EIF4G3: variants seen among roughly 807,000 people sequenced by gnomAD.
The protein encoded by EIF4G3 is eukaryotic translation initiation factor 4 gamma 3.
In EIF4G3, 34 loss-of-function variants were observed where a neutral mutation model predicts 186.4. The ratio of observed to expected loss-of-function variants is 0.18; its 90% confidence interval spans 0.14 to 0.24. The LOEUF (loss-of-function observed/expected upper bound fraction) is 0.24. EIF4G3 is among the 10% of genes least tolerant of loss of function. EIF4G3 has a pLI of 1.00. For synonymous variants in EIF4G3, 673 were observed against 679.5 expected (o/e 0.99, Z 0.15); for missense variants, 1,536 against 1,948.5 (o/e 0.79, Z 3.99).
At chr1:20,916,236 G>A (rs1321311113) in intron 14 of EIF4G3, among the ~76,000 whole-genome samples, 1 of 152,062 alleles carries the variant, frequency 6.6e-6, no homozygotes, top group Non-Finnish European at 1.5e-5. Context: ...CACGAGGTCA[G>A]GAGATCGAGA....
intron 32 of EIF4G3, 37 bp from the exon 33 acceptor site, chr1:20,825,235 A>C: frequency 7.2e-6 from 6 of 833,646 alleles, no homozygotes; most frequent in Non-Finnish European, 1.1e-5. Context: ...TTACTTTCAC[A>C]GTGGAAGAAG....
intron 2 of EIF4G3, among the ~76,000 whole-genome samples, chr1:21,150,333 T>C (rs778201106): frequency 2.0e-5 from 3 of 152,162 alleles, no homozygotes; most frequent in Non-Finnish European, 4.4e-5. Flanking sequence ...TGCAATAATA[T>C]GCCATGTCAT....
chr1:21,104,968 A>T (rs1420899676), intron 2 of EIF4G3, among the ~76,000 whole-genome samples: 1 of 152,220 alleles, frequency 6.6e-6, no homozygotes, highest in African/African-American at 2.4e-5. Context: ...CAGAAAACCA[A>T]ATACTGCATG....
At chr1:20,832,714 G>A (rs1325514802) in intron 30 of EIF4G3, among the ~76,000 whole-genome samples, 9 of 148,072 alleles carry the variant, frequency 6.1e-5, no homozygotes, top group Non-Finnish European at 1.2e-4. Flanking sequence ...GTAATGCCTA[G>A]GTTTTCTTCT....
chr1:20,984,650 C>T (rs1297389054), intron 7 of EIF4G3, among the ~76,000 whole-genome samples: 6 of 143,414 alleles, frequency 4.2e-5, no homozygotes, highest in South Asian at 4.5e-4. Flanking sequence ...AGTGCAGTGG[C>T]GTGATCTTGG....
rs564854763 is a variant in EIF4G3 at position 21,053,622 on chromosome 1, G to A, written c.-195-2628C>T. On this transcript the variant is annotated intron_variant, in intron 3 of 36. Transcript: ENST00000602326. ...GGGTCAGCCCCCCGCCCGGCCACCC[G>A]CCCCGTCCGGGAGGTGAGGGGCGCC... 3.5e-3 allele frequency among the ~76,000 whole-genome samples: 479 copies of A among 136,638 alleles called. 5 individuals carry two copies. The highest frequency in any genetic ancestry group is 0.012 in the African/African-American group (444 of 37,562). 89.6% of individuals were successfully genotyped at this position (136,638 alleles called of 152,430 possible).
chr1:20,866,219 G>A (rs1345108586), intron 20 of EIF4G3, among the ~76,000 whole-genome samples: 3 of 152,172 alleles, frequency 2.0e-5, no homozygotes, highest in Non-Finnish European at 4.4e-5. Flanking sequence ...AATAATTAAT[G>A]TTATCAACCA....
Position 21,170,486 on chromosome 1 carries a change from C to G in EIF4G3, c.-272+5689G>C, listed in dbSNP as rs192112418. Among the ~76,000 whole-genome samples, 31 of 152,034 alleles carry G rather than the reference C, an allele frequency of 2.0e-4. No homozygotes were observed. The East Asian group carries it at 3.5e-3, about 17-fold the overall frequency. On this transcript the variant is annotated intron_variant, in intron 2 of 36. Coordinates refer to ENST00000602326, the MANE Select transcript of EIF4G3 (RefSeq NM_001391906.1). ...AGGAGTTCGAGAACAGCCTGGCCAA[C>G]ATGGTAAAACCCCACCTGTACCCCA...
At chr1:20,881,115 CCAGAGGA>C (rs1296134663) in intron 19 of EIF4G3, among the ~76,000 whole-genome samples, 1 of 152,062 alleles carries the variant, frequency 6.6e-6, no homozygotes, top group Non-Finnish European at 1.5e-5. Flanking sequence ...GTGGTGTTGG[CCAGAGGA>C]CAGACACATA....
intron 20 of EIF4G3, 95 bp from the exon 21 acceptor site, chr1:20,865,357 A>C: frequency 7.3e-7 from 1 of 1,375,304 alleles, no homozygotes; most frequent in East Asian, 2.5e-5. Context: ...ATGCTGACTG[A>C]ACCACAGGTA....
Position 20,931,545 on chromosome 1 carries a change from C to T in EIF4G3, c.1663+9946G>A, listed in dbSNP as rs78874881. On this transcript the variant is annotated intron_variant, in intron 14 of 36. Coordinates refer to ENST00000602326, the MANE Select transcript of EIF4G3 (RefSeq NM_001391906.1). ...AGCACTGGCTTCAAACAGAAGTCAC[C>T]GGCTGCATAAGCCCCTAATGAGAGT... is the stretch of plus-strand genomic sequence containing the variant. Among the ~76,000 whole-genome samples the T allele has an allele frequency of 5.6e-3, 854 of 152,218 alleles. 13 individuals are homozygous for T. The highest frequency in any genetic ancestry group is 0.02 in the African/African-American group (818 of 41,534).
intron 4 of EIF4G3, among the ~76,000 whole-genome samples, chr1:21,021,998 T>C (rs1557561903): frequency 6.6e-6 from 1 of 152,212 alleles, no homozygotes; most frequent in African/African-American, 2.4e-5. Context: ...AAATTTCTAT[T>C]TCAAAACAAC....
At chr1:20,950,604 C>T (rs1352076624) in intron 12 of EIF4G3, among the ~76,000 whole-genome samples, 3 of 152,148 alleles carry the variant, frequency 2.0e-5, no homozygotes, top group Non-Finnish European at 4.4e-5. Context: ...ATTCCTGCTA[C>T]TTATCCATGT....
At position 21,176,258 on chromosome 1, in the gene EIF4G3, CGCCGCCGCTGCT is replaced by C. The variant is rs921068712; in HGVS notation, c.-367_-356del. ...CCGCCGCCGCCGCCGCCGCCGCCGC[CGCCGCCGCTGCT>C]GCCGCCGCCGGGTGAGGAGGCGGTA... On this transcript the variant is annotated 5_prime_UTR_variant, in exon 2 of 37. Coordinates refer to ENST00000602326, the MANE Select transcript of EIF4G3 (RefSeq NM_001391906.1). 43 of 376,096 alleles carry C rather than the reference CGCCGCCGCTGCT, an allele frequency of 1.1e-4. No individual in the cohort carries two copies. Among genetic ancestry groups the C allele is most frequent in the East Asian group, 3.1e-4 (7 of 22,886 alleles). 23.3% of individuals were successfully genotyped at this position (376,096 alleles called of 1,614,324 possible).
chr1:20,822,038 T>C (rs2062506813), intron 33 of EIF4G3, among the ~76,000 whole-genome samples: 1 of 151,962 alleles, frequency 6.6e-6, no homozygotes. Context: ...CTACCACACC[T>C]GGCTAATTTT....
At chr1:20,959,898 T>C (rs4654891) in intron 12 of EIF4G3, among the ~76,000 whole-genome samples, 51,865 of 151,766 alleles carry the variant, frequency 0.34, 9,519 homozygotes, top group Non-Finnish European at 0.41. Context: ...CTGGCATGGA[T>C]ATGGGGAAAA....
intron 16 of EIF4G3, among the ~76,000 whole-genome samples, chr1:20,896,003 A>G (rs2087866796): frequency 6.6e-6 from 1 of 152,206 alleles, no homozygotes; most frequent in Admixed American, 6.5e-5. Flanking sequence ...AGACCTTCCA[A>G]TGAGACAAGA....
rs2058143098 is a variant in EIF4G3 at position 20,806,480 on chromosome 1, T to C, written c.*839A>G. On this transcript the variant is annotated 3_prime_UTR_variant, in exon 37 of 37. Transcript: ENST00000602326. ...CAAAGGAGAAGTCACTTTACTTTCT[T>C]TTAAACTTGCAATGTTTGTCTTTAT... The C allele has an allele frequency of 6.5e-6, 1 of 152,676 alleles. No homozygotes were observed. The highest frequency in any genetic ancestry group is 6.5e-5 in the Admixed American group (1 of 15,284). The allele number at this position is 152,676 out of a possible 1,614,324, so 9.5% of individuals were successfully genotyped here.
chr1:20,849,590 G>T, intron 28 of EIF4G3, 60 bp from the exon 29 acceptor site: 1 of 718,088 alleles, frequency 1.4e-6, no homozygotes, highest in Non-Finnish European at 2.2e-6. Flanking sequence ...AAAATAGTGA[G>T]ATTATGGTTG....
Sources: allele counts gnomAD v4.1 joint callset (sites outside exome capture counted in the v4.1 genomes callset), GRCh38; gene constraint gnomAD v4.1.1; transcripts MANE v1.5; gene names NCBI Gene and HGNC (gene_info 2026-07-23, HGNC 2026-07-21).